LAMA1: variants seen among roughly 807,000 people sequenced by gnomAD.
LAMA1 encodes the protein laminin subunit alpha 1, also known as laminin subunit alpha-1.
In LAMA1, 219 loss-of-function variants were observed where a neutral mutation model predicts 348.7. The observed-to-expected ratio is 0.63, with a 90% CI of 0.56 to 0.70. LAMA1 has a LOEUF of 0.70. Ranked by LOEUF, LAMA1 falls within the 30% of genes least tolerant of loss-of-function variation. The pLI, the probability that LAMA1 is intolerant of heterozygous loss-of-function variation, is 0.00. For missense variants in LAMA1, 3,744 were observed against 3,888.0 expected, an observed-to-expected ratio of 0.96 and a Z score of 0.99; for synonymous variants, 1,487 against 1,491.0, an observed-to-expected ratio of 1.00 and a Z score of 0.06.
chr18:6,956,841 T>C lies in LAMA1; in HGVS notation c.7965-76A>G, dbSNP rs560237800. 18 of 1,501,122 alleles carry C rather than the reference T, an allele frequency of 1.2e-5. No homozygotes were observed. The African/African-American group carries it at 1.9e-4, about 16-fold the overall frequency. The allele number at this position is 1,501,122 out of a possible 1,614,324, so 93.0% of individuals were successfully genotyped here. A position where few individuals can be genotyped will look rare whatever the true frequency, so the allele number is the denominator to read the frequency against. ...CCATGAACCCAAGTCATCTGATAAC[T>C]GTACAATGAAAATCAATTAAAAACC... On this transcript the variant is annotated intron_variant, in intron 55 of 62. Coordinates refer to ENST00000389658, the MANE Select transcript of LAMA1 (RefSeq NM_005559.4).
rs1488465228 is a variant in LAMA1, at chr18:7,016,656, GC to G, written c.2823del (p.Leu942TrpfsTer82). 1 of 1,613,074 alleles carries G rather than the reference GC, an allele frequency of 6.2e-7. No homozygotes were observed. The highest frequency in any genetic ancestry group is 8.5e-7 in the Non-Finnish European group (1 of 1,179,626). On this transcript the variant is annotated frameshift_variant, in exon 21 of 63. Coordinates refer to ENST00000389658, the MANE Select transcript of LAMA1 (RefSeq NM_005559.4). LOFTEE classifies it high-confidence loss of function. ...QCDQCLHGYY[G>X]LDSGHGCRPC... ...GGCCGGCAGCCATGGCCTGAGTCCA[GC>G]CCATAATAGCCATGCTGTTTCACCA...
intron 42 of LAMA1, 114 bp from the exon 43 acceptor site, chr18:6,978,492 G>T: frequency 9.9e-7 from 1 of 1,014,904 alleles, no homozygotes; most frequent in Non-Finnish European, 1.5e-6. Context: ...TATTACTGAT[G>T]CTGAACACAA....
chr18:7,032,387 ATTTCTTT>A (rs1297574586), intron 15 of LAMA1, among the ~76,000 whole-genome samples: 1 of 152,172 alleles, frequency 6.6e-6, no homozygotes, highest in Non-Finnish European at 1.5e-5. Flanking sequence ...CCAGTTCCTT[ATTTCTTT>A]TTAAAGGTAG....
At chr18:7,008,372 A>C in intron 28 of LAMA1, 116 bp downstream of exon 28, 1 of 1,213,986 alleles carries the variant, frequency 8.2e-7, no homozygotes, top group Non-Finnish European at 1.1e-6. Flanking sequence ...TTAATTCAAA[A>C]AGAGAAAAAA....
chr18:6,976,981 A>T (rs2057685577), intron 44 of LAMA1, among the ~76,000 whole-genome samples: 1 of 152,216 alleles, frequency 6.6e-6, no homozygotes, highest in African/African-American at 2.4e-5. Context: ...TCCTTTTCCA[A>T]TAGCAAGGAC....
chr18:6,987,257 C>G (rs2057739439), intron 36 of LAMA1, among the ~76,000 whole-genome samples: 1 of 152,106 alleles, frequency 6.6e-6, no homozygotes. Context: ...GAAATTGGGA[C>G]AACATTCTGT....
intron 41 of LAMA1, among the ~76,000 whole-genome samples, chr18:6,980,841 T>C (rs1200483972): frequency 6.6e-6 from 1 of 152,156 alleles, no homozygotes; most frequent in Non-Finnish European, 1.5e-5. Context: ...ACGCCTGTAA[T>C]CCCAGCACTT....
intron 25 of LAMA1, among the ~76,000 whole-genome samples, chr18:7,010,644 A>G (rs2057855439): frequency 6.6e-6 from 1 of 152,226 alleles, no homozygotes; most frequent in Non-Finnish European, 1.5e-5. Flanking sequence ...AGTGATGCAA[A>G]TTATTTTCAA....
At chr18:7,098,316 TGGG>T in intron 1 of LAMA1, among the ~76,000 whole-genome samples, 1 of 150,448 alleles carries the variant, frequency 6.6e-6, no homozygotes, top group Non-Finnish European at 1.5e-5. Flanking sequence ...GCCCATCGTC[TGGG>T]ATGTGAGGAG....
At chr18:6,956,473 T>C (rs1157598026) in intron 56 of LAMA1, 163 bp downstream of exon 56, 4 of 1,215,282 alleles carry the variant, frequency 3.3e-6, no homozygotes, top group East Asian at 4.7e-5. Context: ...TGAGGCACCC[T>C]TTCCCTCCCT....
intron 25 of LAMA1, among the ~76,000 whole-genome samples, chr18:7,010,805 T>C (rs905696294): frequency 1.3e-5 from 2 of 152,228 alleles, no homozygotes; most frequent in African/African-American, 4.8e-5. Flanking sequence ...TAGTAGTTTT[T>C]TCCCCCCAAA....
intron 61 of LAMA1, among the ~76,000 whole-genome samples, chr18:6,944,188 G>T (rs1182244035): frequency 6.6e-6 from 1 of 152,070 alleles, no homozygotes; most frequent in East Asian, 1.9e-4. Context: ...GCTAATTTTT[G>T]TATTTTTAGT....
chr18:6,991,541 C>T (rs940543658), intron 36 of LAMA1, among the ~76,000 whole-genome samples: 2 of 152,108 alleles, frequency 1.3e-5, no homozygotes, highest in Middle Eastern at 3.4e-3. Context: ...CAGGCATCTA[C>T]CACCATGCCC....
chr18:6,966,719 T>G (rs186437964), intron 48 of LAMA1, among the ~76,000 whole-genome samples: 2 of 152,326 alleles, frequency 1.3e-5, no homozygotes, highest in East Asian at 3.9e-4. Context: ...ACTAGAGTTA[T>G]GATGGAAAGC....
Position 6,943,418 on chromosome 18 carries a change from T to C in LAMA1, c.8845-16A>G. On this transcript the variant is annotated splice_polypyrimidine_tract_variant and intron_variant, in intron 61 of 62. Coordinates refer to ENST00000389658, the MANE Select transcript of LAMA1 (RefSeq NM_005559.4). ...GGAACAAGACCTAAAAGCAAATATC[T>C]TGGTGAGTTTTTGTGTATTTAAGGA... 1 of 1,607,620 alleles carries C rather than the reference T, an allele frequency of 6.2e-7. No individual in the cohort carries two copies. Among genetic ancestry groups the C allele is most frequent in the Non-Finnish European group, 8.5e-7 (1 of 1,174,048 alleles).
At position 7,009,304 on chromosome 18, in the gene LAMA1, A is replaced by T. The variant is rs764557647; in HGVS notation, c.3936T>A (p.Ser1312=). ...EKPVTREDFM[S]VLSDIEYILI... is the part of the protein sequence containing the mutation. ...GGATGTACTCAATATCGCTGAGGAC[A>T]GACATAAAATCCTCTCGCGTGACAG... is the stretch of plus-strand genomic sequence containing the variant. Residue 1312 remains serine, a synonymous_variant, in exon 27 of 63, where the codon TCT becomes TCA. Transcript: ENST00000389658. 4.3e-6 allele frequency: 7 copies of T among 1,613,962 alleles called. No homozygotes were observed. In the East Asian group the frequency reaches 1.3e-4, roughly 31 times the overall value.
chr18:7,033,897 G>A (rs1325903096), intron 14 of LAMA1, among the ~76,000 whole-genome samples: 3 of 151,996 alleles, frequency 2.0e-5, no homozygotes, highest in Admixed American at 2.0e-4. Context: ...ACCATGCCTG[G>A]CTAATTTTTT....
Position 7,050,961 on chromosome 18 carries a change from T to A in LAMA1, c.346-25A>T, listed in dbSNP as rs1486377501. The A allele has an allele frequency of 2.5e-6, 4 of 1,613,232 alleles. No individual in the cohort carries two copies. The South Asian group carries it at 4.4e-5, about 18-fold the overall frequency. On this transcript the variant is annotated intron_variant, in intron 3 of 62. Transcript: ENST00000389658. ...CCTGAAACAAAGACACTGAAAAGTC[T>A]CAATCCAGAATCAATACAAGCCAGG... is the stretch of plus-strand genomic sequence containing the variant.
chr18:6,986,620 A>C (rs1170590194), intron 36 of LAMA1, among the ~76,000 whole-genome samples: 1 of 150,574 alleles, frequency 6.6e-6, no homozygotes, highest in Non-Finnish European at 1.5e-5. Flanking sequence ...AATGGTACTT[A>C]TATAAGTGCA....
Sources: allele counts gnomAD v4.1 joint callset (sites outside exome capture counted in the v4.1 genomes callset), GRCh38; gene constraint gnomAD v4.1.1; transcripts MANE v1.5; gene names NCBI Gene and HGNC (gene_info 2026-07-23, HGNC 2026-07-21).